ZNF737: variants seen among roughly 807,000 people sequenced by gnomAD.
ZNF737 encodes the protein zinc finger protein 737, also known as zinc finger protein 102 (Y3).
A neutral mutation model predicts 11.7 loss-of-function variants in ZNF737; 13 were observed. The observed-to-expected ratio is 1.11, with a 90% CI of 0.73 to 1.77. The LOEUF is 1.77. Among genes scored for constraint, ZNF737 ranks in the 40% most tolerant of loss-of-function variants. ZNF737 has a pLI of 0.00. For synonymous variants in ZNF737, 217 were observed against 216.2 expected (o/e 1.00, Z -0.03); for missense variants, 636 against 638.0 (o/e 1.00, Z 0.03).
chr19:20,546,364 A>G (rs1282463240), intron 3 of ZNF737, among the ~76,000 whole-genome samples: 1 of 152,148 alleles, frequency 6.6e-6, no homozygotes, highest in Non-Finnish European at 1.5e-5. Flanking sequence ...AAGGTGACAC[A>G]TGGGTGGATC....
In ZNF737 at chr19:20,545,239, A is replaced by C; in HGVS notation, c.964T>G (p.Phe322Val). The change falls in exon 4 of 4, where the codon TTT (phenylalanine) becomes GTT (valine). Residue 322 changes from phenylalanine (F) to valine (V), a missense_variant. Transcript: ENST00000427401. ...GTAGTAAGGACAGAGGGGTGCTTAA[A>C]GGCTTTGCCACATTCTTCACATTTG... ...PYKCEECGKA[F>V]KHPSVLTTHK... The C allele has an allele frequency of 6.2e-7, 1 of 1,613,920 alleles. No individual in the cohort carries two copies. Among genetic ancestry groups the C allele is most frequent in the Non-Finnish European group, 8.5e-7 (1 of 1,179,950 alleles).
chr19:20,544,597 G>A lies in ZNF737; in HGVS notation c.1606C>T (p.Leu536=), dbSNP rs782437470. Residue 536 remains leucine, a synonymous_variant, in exon 4 of 4, where the codon CTA becomes TTA. Coordinates refer to ENST00000427401, the MANE Select transcript of ZNF737 (RefSeq NM_001159293.2). ...CTTTGCCACATTCCTCACATTTATA[G>A]TTTCTCTCCAGTATGAATTACCTTA... ...THKVIHTGEK[L] 2 of 1,597,792 alleles carry A rather than the reference G, an allele frequency of 1.3e-6. No homozygotes were observed. Among genetic ancestry groups the A allele is most frequent in the South Asian group, 1.1e-5 (1 of 89,496 alleles).
intron 3 of ZNF737, among the ~76,000 whole-genome samples, chr19:20,548,985 T>TAAA (rs1555757702): frequency 5.4e-4 from 39 of 72,734 alleles, no homozygotes; most frequent in African/African-American, 1.7e-3. Context: ...AAAAAACAAT[T>TAAA]ATGTATCTTT....
At chr19:20,535,664 T>G (rs1383072525), downstream of ZNF737, among the ~76,000 whole-genome samples, 1 of 151,828 alleles carries the variant, frequency 6.6e-6, no homozygotes, top group Non-Finnish European at 1.5e-5. Flanking sequence ...GACCTGGGAT[T>G]ACAGGCATGT....
At chr19:20,558,370 A>C (rs1287455244) in intron 1 of ZNF737, among the ~76,000 whole-genome samples, 1 of 152,174 alleles carries the variant, frequency 6.6e-6, no homozygotes, top group Admixed American at 6.5e-5. Context: ...ATATAAAGAA[A>C]GTGGCCTAAA....
rs1329628644 is a variant in ZNF737 at position 20,541,000 on chromosome 19, T to C, written c.*3592A>G. On this transcript the variant is annotated 3_prime_UTR_variant, in exon 4 of 4. Transcript: ENST00000427401. ...AGTGTTAAAAATGATTTTTTTTTCC[T>C]GTTTTAAGAGGGCTTTTATTATTGT... The C allele has an allele frequency of 5.1e-6, 5 of 975,656 alleles. No individual in the cohort carries two copies. Among genetic ancestry groups the C allele is most frequent in the Non-Finnish European group, 4.9e-6 (4 of 821,780 alleles). 60.4% of individuals were successfully genotyped at this position (975,656 alleles called of 1,614,324 possible). A position where few individuals can be genotyped will look rare whatever the true frequency, so the allele number is the denominator to read the frequency against.
At chr19:20,557,153 TA>T (rs1273439002) in intron 1 of ZNF737, among the ~76,000 whole-genome samples, 5 of 152,200 alleles carry the variant, frequency 3.3e-5, no homozygotes, top group South Asian at 2.1e-4. Flanking sequence ...AACAAGTTTC[TA>T]AATAAATGTC....
At chr19:20,553,642 AT>A (rs1246492766) in intron 2 of ZNF737, 66 bp downstream of exon 2, 4 of 1,470,570 alleles carry the variant, frequency 2.7e-6, no homozygotes, top group Non-Finnish European at 3.7e-6. Context: ...TACTAAAAAA[AT>A]TCTACAAGAG....
At chr19:20,562,585 C>T (rs1312902319) in intron 1 of ZNF737, among the ~76,000 whole-genome samples, 5 of 151,314 alleles carry the variant, frequency 3.3e-5, no homozygotes, top group South Asian at 2.1e-4. Flanking sequence ...CTCGAACTCC[C>T]GACCTCAGGT....
intron 1 of ZNF737, among the ~76,000 whole-genome samples, chr19:20,559,543 A>T (rs1240212335): frequency 6.6e-6 from 1 of 152,212 alleles, no homozygotes; most frequent in African/African-American, 2.4e-5. Context: ...CAACAACGAG[A>T]TATCACTTCA....
intron 1 of ZNF737, among the ~76,000 whole-genome samples, chr19:20,562,335 G>C (rs1969127563): frequency 8.1e-6 from 1 of 123,652 alleles, no homozygotes; most frequent in Admixed American, 9.7e-5. Context: ...CAACACACCT[G>C]GCTAATTTTT....
intron 3 of ZNF737, among the ~76,000 whole-genome samples, chr19:20,549,018 A>G (rs986050307): frequency 6.8e-6 from 1 of 148,056 alleles, no homozygotes; most frequent in South Asian, 2.1e-4. Context: ...TTCAAATCAT[A>G]GAAGTGTCTC....
In ZNF737 at chr19:20,557,443, A is replaced by T. The variant is rs1167961663; in HGVS notation, c.4-3608T>A. Among the ~76,000 whole-genome samples, 3 of 146,774 alleles carry T rather than the reference A, an allele frequency of 2.0e-5. No individual in the cohort carries two copies. The Admixed American group carries it at 2.1e-4, about 11-fold the overall frequency. The stretch of plus-strand genomic sequence containing the variant: ...GACCCTATGTAAAATTCTGCTCTCT[A>T]TGTCACTGCAGTACTACCAGTTTTG... On this transcript the variant is annotated intron_variant, in intron 1 of 3. Transcript: ENST00000427401.
chr19:20,536,840 G>A (rs1398873625), downstream of ZNF737, among the ~76,000 whole-genome samples: 1 of 152,224 alleles, frequency 6.6e-6, no homozygotes, highest in Non-Finnish European at 1.5e-5. Flanking sequence ...CTACGCAGGA[G>A]GTTGAGGCAG....
chr19:20,539,283 CCTT>C lies in ZNF737; in HGVS notation c.*5306_*5308del. On this transcript the variant is annotated 3_prime_UTR_variant, in exon 4 of 4. Transcript: ENST00000427401. ...GCAGCGTGAGTGACAGAGTGAGAAT[CCTT>C]CTAAAAAAAAAAAAAAGAAATTCTT... 7.3e-6 allele frequency: 7 copies of C among 952,834 alleles called. No homozygotes were observed. The highest frequency in any genetic ancestry group is 1.8e-5 in the African/African-American group (1 of 56,000). The allele number at this position is 952,834 out of a possible 1,614,324, so 59.0% of individuals were successfully genotyped here. A position where few individuals can be genotyped will look rare whatever the true frequency, so the allele number is the denominator to read the frequency against.
chr19:20,548,975 A>AC (rs1234910485), intron 3 of ZNF737, among the ~76,000 whole-genome samples: 4 of 121,666 alleles, frequency 3.3e-5, no homozygotes, highest in Non-Finnish European at 5.2e-5. Flanking sequence ...AAAAAAAAAA[A>AC]AAAAACAATT....
rs1968150482 is a variant in ZNF737 at position 20,540,327 on chromosome 19, C to CTAAT, written c.*4261_*4264dup. Among the ~76,000 whole-genome samples the CTAAT allele has an allele frequency of 6.6e-6, 1 of 152,122 alleles. No individual in the cohort carries two copies. Among genetic ancestry groups the CTAAT allele is most frequent in the Non-Finnish European group, 1.5e-5 (1 of 68,028 alleles). Reference sequence around the variant, plus strand: ...AACACAAAGTCTACGGATGAGTAACCTAATTTCATAAGTGATTTCCCACCA... The same window carrying CTAAT: ...AACACAAAGTCTACGGATGAGTAACCTAATTAATTTCATAAGTGATTTCCCACCA... On this transcript the variant is annotated 3_prime_UTR_variant, in exon 4 of 4. Transcript: ENST00000427401.
downstream of ZNF737, among the ~76,000 whole-genome samples, chr19:20,537,200 TTTTTC>T (rs1350722554): frequency 5.9e-5 from 9 of 151,866 alleles, no homozygotes; most frequent in African/African-American, 1.7e-4. Flanking sequence ...GGTTTTTTTT[TTTTTC>T]TTTTTCTTTT....
chr19:20,540,649 C>T lies in ZNF737; in HGVS notation c.*3943G>A, dbSNP rs903105921. 1.7e-5 allele frequency: 4 copies of T among 234,982 alleles called. No homozygotes were observed. Among genetic ancestry groups the T allele is most frequent in the Middle Eastern group, 4.2e-3 (2 of 478 alleles). 14.6% of individuals were successfully genotyped at this position (234,982 alleles called of 1,614,324 possible). On this transcript the variant is annotated 3_prime_UTR_variant, in exon 4 of 4. Transcript: ENST00000427401. ...TGGTGCATGCCTGTAATCCCAGCTA[C>T]TTAGGAGGCTGAGGCAGGAGAATTG...
Sources: gnomAD v4.1 joint callset for allele counts (sites outside exome capture counted in the v4.1 genomes callset) on GRCh38, gnomAD v4.1.1 for gene constraint, MANE v1.5 for transcripts, NCBI Gene and HGNC (gene_info 2026-07-23, HGNC 2026-07-21) for gene names.